The following CUBN variants were observed in gnomAD, a reference collection of about 807,000 sequenced individuals.
CUBN encodes the protein 460 kDa receptor.
CUBN carries 282 observed loss-of-function variants against 405.3 expected under a neutral mutation model. That is an observed-to-expected ratio of 0.70 (90% CI 0.63 to 0.77). The LOEUF (loss-of-function observed/expected upper bound fraction) is 0.77. Ranked by LOEUF, CUBN falls within the 30% of genes least tolerant of loss-of-function variation. CUBN has a pLI of 0.00. For synonymous variants in CUBN, 1,684 were observed against 1,617.0 expected, an observed-to-expected ratio of 1.04 and a Z score of -0.99; for missense variants, 4,514 against 4,475.2, an observed-to-expected ratio of 1.01 and a Z score of -0.25.
intron 43 of CUBN, among the ~76,000 whole-genome samples, chr10:16,922,222 G>T (rs1842053718): frequency 6.6e-6 from 1 of 152,022 alleles, no homozygotes; most frequent in Non-Finnish European, 1.5e-5. Flanking sequence ...TGGGAAGAAT[G>T]GATCCACCCA....
intron 27 of CUBN, chr10:17,023,625 G>T (rs754889868): frequency 2.2e-6 from 1 of 455,946 alleles, no homozygotes; most frequent in South Asian, 1.5e-5. Flanking sequence ...GGACGTTCCA[G>T]CTGTGACTCA....
intron 19 of CUBN, among the ~76,000 whole-genome samples, chr10:17,069,696 A>T (rs1054525571): frequency 6.6e-6 from 1 of 152,024 alleles, no homozygotes; most frequent in African/African-American, 2.4e-5. Context: ...GGCGTGTATT[A>T]CCACACTCAG....
At chr10:16,933,413 T>C in intron 39 of CUBN, 129 bp from the exon 40 acceptor site, 1 of 793,824 alleles carries the variant, frequency 1.3e-6, no homozygotes, top group Admixed American at 2.2e-5. Context: ...CTCAGAGAAA[T>C]CAATGAATAT....
At chr10:16,976,835 C>A (rs1344909164) in intron 31 of CUBN, among the ~76,000 whole-genome samples, 1 of 152,094 alleles carries the variant, frequency 6.6e-6, no homozygotes, top group Non-Finnish European at 1.5e-5. Context: ...TTCATCTCTG[C>A]CTAGTCCCCC....
rs1490701398 is a variant in CUBN at position 16,906,142 on chromosome 10, C to CA, written c.7912+60dup. On this transcript the variant is annotated intron_variant, in intron 50 of 66. Transcript: ENST00000377833. ...ACAACAACAACAGCAGCGACAACAA[C>CA]AAAAAAGATAAAAAGAATATTGTAG... 5.9e-6 allele frequency: 8 copies of CA among 1,363,272 alleles called. No homozygotes were observed. The African/African-American group carries it at 7.2e-5, about 12-fold the overall frequency. The allele number at this position is 1,363,272 out of a possible 1,614,324, so 84.4% of individuals were successfully genotyped here.
chr10:16,935,170 C>T (rs796374577), intron 39 of CUBN, among the ~76,000 whole-genome samples: 7 of 152,042 alleles, frequency 4.6e-5, no homozygotes, highest in African/African-American at 1.7e-4. Context: ...TTTATTTTTA[C>T]TATTTATGTA....
intron 27 of CUBN, among the ~76,000 whole-genome samples, chr10:17,023,390 A>C (rs572347358): frequency 2.0e-5 from 3 of 152,312 alleles, no homozygotes; most frequent in East Asian, 1.9e-4. Flanking sequence ...AAAAAAAAAA[A>C]AACTCATACC....
chr10:17,063,287 C>T (rs1253489572), intron 22 of CUBN, among the ~76,000 whole-genome samples: 2 of 152,160 alleles, frequency 1.3e-5, no homozygotes, highest in East Asian at 3.9e-4. Context: ...TTAGTCAGAC[C>T]TATGAGTTCA....
At chr10:17,019,160 C>G (rs1834425708) in intron 28 of CUBN, among the ~76,000 whole-genome samples, 3 of 152,292 alleles carry the variant, frequency 2.0e-5, no homozygotes, top group Admixed American at 1.3e-4. Context: ...CTGGGGCTCT[C>G]CACTTGCAGA....
chr10:16,862,914 C>T (rs1840060085), intron 59 of CUBN, among the ~76,000 whole-genome samples: 1 of 152,192 alleles, frequency 6.6e-6, no homozygotes, highest in Non-Finnish European at 1.5e-5. Context: ...AATTTTATCA[C>T]TTAGTTTGGT....
chr10:17,014,007 C>T (rs532466937), intron 28 of CUBN, among the ~76,000 whole-genome samples: 1 of 152,138 alleles, frequency 6.6e-6, no homozygotes, highest in Non-Finnish European at 1.5e-5. Context: ...GGGTTGAGGG[C>T]CGTGCATGTA....
chr10:17,089,702 C>G (rs909781866), intron 14 of CUBN, among the ~76,000 whole-genome samples: 25 of 152,150 alleles, frequency 1.6e-4, no homozygotes, highest in African/African-American at 6.0e-4. Context: ...TAGCAAAAAC[C>G]TATGCATTTC....
intron 63 of CUBN, among the ~76,000 whole-genome samples, chr10:16,835,822 C>A (rs1054681205): frequency 8.6e-5 from 13 of 151,874 alleles, no homozygotes; most frequent in African/African-American, 3.1e-4. Flanking sequence ...TACTAAAAAC[C>A]TCTGAAATAT....
chr10:17,074,880 C>T (rs1156650832), intron 17 of CUBN, among the ~76,000 whole-genome samples: 1 of 151,856 alleles, frequency 6.6e-6, no homozygotes, highest in Non-Finnish European at 1.5e-5. Context: ...TATTTCATTT[C>T]TGAATAATCA....
chr10:16,980,972 A>G (rs1833253708), intron 31 of CUBN, among the ~76,000 whole-genome samples: 1 of 152,164 alleles, frequency 6.6e-6, no homozygotes, highest in Non-Finnish European at 1.5e-5. Context: ...GTAGGAATGC[A>G]TTAAAAGTGT....
At chr10:17,128,717 T>C (rs1236050495) in intron 2 of CUBN, among the ~76,000 whole-genome samples, 2 of 152,120 alleles carry the variant, frequency 1.3e-5, no homozygotes, top group Non-Finnish European at 2.9e-5. Context: ...GATGCCCAAT[T>C]ATGTTCTCTA....
intron 31 of CUBN, among the ~76,000 whole-genome samples, chr10:16,976,101 G>T (rs1833085053): frequency 1.3e-5 from 2 of 151,578 alleles, no homozygotes; most frequent in South Asian, 4.2e-4. Context: ...CTCCCAAGTA[G>T]CTGGGATTAC....
At position 17,089,045 on chromosome 10, in the gene CUBN, A is replaced by G. The variant is rs189654140; in HGVS notation, c.1766-700T>C. On this transcript the variant is annotated intron_variant, in intron 14 of 66. Coordinates refer to ENST00000377833, the MANE Select transcript of CUBN (RefSeq NM_001081.4). ...AGAATCTGTAGTGGCTTAGATTTCT[A>G]TGAGAAATGCTACTGTAAATCAAAT... Among the ~76,000 whole-genome samples the G allele has an allele frequency of 9.2e-5, 14 of 152,334 alleles. 1 individual carries two copies. Among genetic ancestry groups the G allele is most frequent in the Middle Eastern group, 3.4e-3 (1 of 294 alleles).
chr10:16,936,781 C>T (rs1363848992), intron 39 of CUBN, among the ~76,000 whole-genome samples: 1 of 152,204 alleles, frequency 6.6e-6, no homozygotes, highest in Non-Finnish European at 1.5e-5. Context: ...GGCATGTTCT[C>T]GGCTCACTAC....
Sources: allele counts gnomAD v4.1 joint callset (sites outside exome capture counted in the v4.1 genomes callset), GRCh38; gene constraint gnomAD v4.1.1; transcripts MANE v1.5; gene names NCBI Gene and HGNC (gene_info 2026-07-23, HGNC 2026-07-21).